The following ABCC6 variants were observed in gnomAD, a reference collection of about 807,000 sequenced individuals.
ABCC6 encodes ATP-binding cassette sub-family C member 6.
ABCC6 carries 126 observed loss-of-function variants against 169.5 expected under a neutral mutation model. The ratio of observed to expected loss-of-function variants is 0.74; its 90% CI spans 0.64 to 0.86. ABCC6 has a LOEUF of 0.86. Ranked by LOEUF, ABCC6 falls within the 40% of genes least tolerant of loss-of-function variation. The pLI, the probability that ABCC6 is intolerant of heterozygous loss-of-function variation, is 0.00. For synonymous variants in ABCC6, 752 were observed against 814.7 expected, an observed-to-expected ratio of 0.92 and a Z score of 1.31; for missense variants, 1,733 against 1,927.2, an observed-to-expected ratio of 0.90 and a Z score of 1.89.
At chr16:16,150,290 T>C (rs772532282) in intron 30 of ABCC6, 49 bp from the exon 31 acceptor site, 19 of 1,611,814 alleles carry the variant, frequency 1.2e-5, no homozygotes, top group East Asian at 2.2e-5. Flanking sequence ...CAGCCCAGGC[T>C]CTCGGCAGCT....
intron 23 of ABCC6, 45 bp from the exon 24 acceptor site, chr16:16,163,237 T>G (rs758803004): frequency 5.1e-6 from 8 of 1,580,988 alleles, no homozygotes; most frequent in Admixed American, 3.4e-5. Context: ...GCCACAGACA[T>G]AGAGAGGTAG....
At chr16:16,153,914 G>T (rs201378939) in intron 29 of ABCC6, among the ~76,000 whole-genome samples, 1 of 105,736 alleles carries the variant, frequency 9.5e-6, no homozygotes. Flanking sequence ...CAAAGAAAAA[G>T]AAAAAAAAAA....
intron 10 of ABCC6, among the ~76,000 whole-genome samples, chr16:16,193,294 G>A (rs1160750978): frequency 6.6e-6 from 1 of 152,190 alleles, no homozygotes; most frequent in African/African-American, 2.4e-5. Context: ...AGAAGGAAAG[G>A]CATGAATAAT....
chr16:16,222,175 T>A (rs1423292774), intron 1 of ABCC6, among the ~76,000 whole-genome samples: 3 of 152,084 alleles, frequency 2.0e-5, no homozygotes, highest in Admixed American at 2.0e-4. Flanking sequence ...GCATGGACTG[T>A]CAGTTAATCC....
At chr16:16,162,914 C>T in intron 24 of ABCC6, 79 bp downstream of exon 24, 2 of 1,585,554 alleles carry the variant, frequency 1.3e-6, no homozygotes, top group South Asian at 2.2e-5. Flanking sequence ...GACCTCTCTA[C>T]CATACAATAT....
At chr16:16,151,314 C>A (rs976626002) in intron 29 of ABCC6, among the ~76,000 whole-genome samples, 1 of 152,278 alleles carries the variant, frequency 6.6e-6, no homozygotes, top group South Asian at 2.1e-4. Flanking sequence ...CCTCAGCCTC[C>A]CAAAGTGCTG....
chr16:16,198,011 T>C lies in ABCC6; in HGVS notation c.1338+10A>G. ...CTCCGTTCAAATCCCGTCTTCCTCC[T>C]CTGGCATACCTGCCAGAGATAGACG... is the stretch of plus-strand genomic sequence containing the variant. On this transcript the variant is annotated intron_variant, in intron 10 of 30. Coordinates refer to ENST00000205557, the MANE Select transcript of ABCC6 (RefSeq NM_001171.6). 5 of 1,613,666 alleles carry C rather than the reference T, an allele frequency of 3.1e-6. No individual in the cohort carries two copies. Among genetic ancestry groups the C allele is most frequent in the Non-Finnish European group, 4.2e-6 (5 of 1,179,858 alleles).
chr16:16,161,377 G>A, intron 25 of ABCC6, 61 bp downstream of exon 25: 1 of 1,611,424 alleles, frequency 6.2e-7, no homozygotes, highest in Non-Finnish European at 8.5e-7. Flanking sequence ...CCACTAGCAG[G>A]GGTCCGACAG....
At position 16,188,921 on chromosome 16, in the gene ABCC6, A is replaced by G. The variant is rs1229560477; in HGVS notation, c.1689T>C (p.Asn563=). 2 of 1,614,106 alleles carry G rather than the reference A, an allele frequency of 1.2e-6. No homozygotes were observed. The highest frequency in any genetic ancestry group is 1.7e-6 in the Non-Finnish European group (2 of 1,180,012). ...VHTLVAENAM[N]AEKAFVTLTV... is the part of the protein sequence containing the mutation. ...TGAGAGTCACAAAGGCTTTCTCTGCATTCATAGCATTCTCGGCCACCAGAG... is the reference window on the plus strand; with the variant it reads ...TGAGAGTCACAAAGGCTTTCTCTGCGTTCATAGCATTCTCGGCCACCAGAG... Residue 563 remains asparagine, a synonymous_variant, in exon 13 of 31, where the codon AAT becomes AAC. Transcript: ENST00000205557.
chr16:16,177,533 A>G lies in ABCC6; in HGVS notation c.2509T>C (p.Tyr837His). The G allele has an allele frequency of 6.2e-7, 1 of 1,614,046 alleles. No homozygotes were observed. The highest frequency in any genetic ancestry group is 8.5e-7 in the Non-Finnish European group (1 of 1,179,930). ...CCCTTCCTCTGCAGAAGCTCCTGGT[A>G]GGAACCCATCTCTGCGATGGCCCCA... ...ANGAIAEMGSYQELLQRKGAL... is the reference protein window; with the variant it reads ...ANGAIAEMGSHQELLQRKGAL... The change falls in exon 19 of 31, where the codon TAC (tyrosine) becomes CAC (histidine). Residue 837 changes from tyrosine (Y) to histidine (H), a missense_variant. Transcript: ENST00000205557.
At chr16:16,214,262 C>A in intron 5 of ABCC6, 62 bp downstream of exon 5, 2 of 1,545,938 alleles carry the variant, frequency 1.3e-6, no homozygotes, top group South Asian at 2.4e-5. Context: ...GACTTTTGGT[C>A]ACCTGGGGGA....
intron 10 of ABCC6, among the ~76,000 whole-genome samples, chr16:16,196,590 A>G (rs1313724549): frequency 6.6e-6 from 1 of 152,218 alleles, no homozygotes; most frequent in East Asian, 1.9e-4. Context: ...GGAGACAAGA[A>G]CAGGAGGCAC....
In ABCC6 at chr16:16,169,840, A is replaced by T; in HGVS notation, c.2801T>A (p.Val934Glu). The T allele has an allele frequency of 6.4e-7, 1 of 1,554,326 alleles. No individual in the cohort carries two copies. Among genetic ancestry groups the T allele is most frequent in the South Asian group, 1.2e-5 (1 of 84,382 alleles). ...SIQYGRVKAT[V>E]HLAYLRAVGT... ...CACGGCACGCAGGTAGGCCAGGTGC[A>T]CTGTGGCCTTCACCTGTAGCACACA... is the stretch of plus-strand genomic sequence containing the variant. The change falls in exon 22 of 31, where the codon GTG (valine) becomes GAG (glutamate). Residue 934 changes from valine to glutamate, a missense_variant. Val to Glu is a moderately radical substitution (Grantham distance 121). This residue lies in a region of ABCC6 where 1,601 missense variants were observed against 1,635.5 expected (regional missense o/e 0.98). Transcript: ENST00000205557.
At chr16:16,171,090 T>C (rs921684430) in intron 21 of ABCC6, among the ~76,000 whole-genome samples, 1 of 152,096 alleles carries the variant, frequency 6.6e-6, no homozygotes, top group Non-Finnish European at 1.5e-5. Context: ...TCTCTCTGCC[T>C]GGAGCGCTCT....
chr16:16,188,262 C>T (rs2047720997), intron 13 of ABCC6, among the ~76,000 whole-genome samples: 1 of 150,758 alleles, frequency 6.6e-6, no homozygotes, highest in Non-Finnish European at 1.5e-5. Flanking sequence ...CATGGTTGTG[C>T]ATGCCTGTGG....
intron 20 of ABCC6, among the ~76,000 whole-genome samples, chr16:16,174,572 C>T (rs761320096): frequency 3.9e-5 from 6 of 151,958 alleles, no homozygotes; most frequent in Non-Finnish European, 8.8e-5. Context: ...TCCTGGACAA[C>T]ATGGCAAAAC....
chr16:16,166,539 G>A (rs1371254474), intron 22 of ABCC6, among the ~76,000 whole-genome samples: 2 of 151,748 alleles, frequency 1.3e-5, no homozygotes, highest in Admixed American at 6.6e-5. Context: ...GACTGCCGGC[G>A]ACCACCAGAA....
Position 16,208,775 on chromosome 16 carries a change from A to C in ABCC6, c.747T>G (p.Val249=), listed in dbSNP as rs776799234. 9.3e-6 allele frequency: 15 copies of C among 1,613,300 alleles called. No homozygotes were observed. The South Asian group carries it at 1.4e-4, about 15-fold the overall frequency. The change falls in exon 7 of 31, where the codon GTT becomes GTG. Residue 249 remains valine, a synonymous_variant. Coordinates refer to ENST00000205557, the MANE Select transcript of ABCC6 (RefSeq NM_001171.6). ...LGRENSSEEL[V]SRLEKEWMRN... ...TCATCCACTCCTTTTCAAGCCGGGA[A>C]ACAAGTTCTTCTGAGGAGTTTTCTC... is the stretch of plus-strand genomic sequence containing the variant.
intron 13 of ABCC6, among the ~76,000 whole-genome samples, chr16:16,188,452 C>T (rs1200978024): frequency 2.0e-5 from 3 of 151,966 alleles, no homozygotes; most frequent in African/African-American, 7.2e-5. Flanking sequence ...GGTATGCCGC[C>T]GTTTCTTGTT....
Sources: gnomAD v4.1 joint callset for allele counts (sites outside exome capture counted in the v4.1 genomes callset) on GRCh38, gnomAD v4.1.1 for gene constraint, gnomAD v4.1.1 regional missense constraint, MANE v1.5 for transcripts, NCBI Gene and HGNC (gene_info 2026-07-23, HGNC 2026-07-21) for gene names.